NRG3: variants seen among roughly 807,000 people sequenced by gnomAD.
The protein encoded by NRG3 is neuregulin 3, also known as pro-neuregulin-3, membrane-bound isoform.
A neutral mutation model predicts 66.9 loss-of-function variants in NRG3; 31 were observed. That is an observed-to-expected ratio of 0.46 (90% CI 0.35 to 0.63). The LOEUF (loss-of-function observed/expected upper bound fraction) is 0.63. Among genes scored for constraint, NRG3 ranks in the 20% least tolerant of loss-of-function variants. The pLI is 0.00. For synonymous variants in NRG3, 393 were observed against 359.4 expected (o/e 1.09, Z -1.06); for missense variants, 910 against 878.9 (o/e 1.04, Z -0.45).
chr10:82,004,241 A>C (rs1435873097), intron 1 of NRG3, among the ~76,000 whole-genome samples: 2 of 152,218 alleles, frequency 1.3e-5, no homozygotes, highest in Admixed American at 1.3e-4. Context: ...ATCTACACAC[A>C]TATACTGGTG....
intron 2 of NRG3, among the ~76,000 whole-genome samples, chr10:82,690,275 ACT>A (rs1491105721): frequency 1.1e-5 from 1 of 91,098 alleles, no homozygotes; most frequent in Non-Finnish European, 2.7e-5. Context: ...AGAATTGGCC[ACT>A]TTTTTTTTTT....
intron 4 of NRG3, among the ~76,000 whole-genome samples, chr10:82,946,050 G>A (rs1848987660): frequency 6.6e-6 from 1 of 152,090 alleles, no homozygotes; most frequent in Non-Finnish European, 1.5e-5. Context: ...AGTCTGAAGT[G>A]TCAATGATGT....
intron 2 of NRG3, among the ~76,000 whole-genome samples, chr10:82,588,752 C>T (rs59443984): frequency 0.019 from 2,890 of 152,268 alleles, 87 homozygotes; most frequent in African/African-American, 0.066. Flanking sequence ...CTGCCCACCT[C>T]GGCCTCCCAA....
At chr10:82,375,415 T>C (rs1360638411) in intron 2 of NRG3, among the ~76,000 whole-genome samples, 1 of 151,972 alleles carries the variant, frequency 6.6e-6, no homozygotes, top group Non-Finnish European at 1.5e-5. Flanking sequence ...CAGGTGCCTG[T>C]AGTCCCAGCT....
At chr10:82,839,050 T>C (rs2062922524) in intron 3 of NRG3, among the ~76,000 whole-genome samples, 1 of 152,160 alleles carries the variant, frequency 6.6e-6, no homozygotes, top group Non-Finnish European at 1.5e-5. Flanking sequence ...TCCCATTATA[T>C]CCCACTGGAT....
intron 2 of NRG3, among the ~76,000 whole-genome samples, chr10:82,362,951 C>T (rs968242272): frequency 1.3e-5 from 2 of 152,112 alleles, no homozygotes; most frequent in Non-Finnish European, 2.9e-5. Flanking sequence ...AGTAAAATTA[C>T]ATGTTTATTT....
chr10:82,153,950 A>G (rs2070986271), intron 1 of NRG3, among the ~76,000 whole-genome samples: 1 of 151,882 alleles, frequency 6.6e-6, no homozygotes, highest in East Asian at 1.9e-4. Flanking sequence ...AGTTCCTTAT[A>G]TATGATGGAT....
chr10:81,960,959 T>G (rs1376285724), intron 1 of NRG3, among the ~76,000 whole-genome samples: 1 of 152,104 alleles, frequency 6.6e-6, no homozygotes, highest in Non-Finnish European at 1.5e-5. Context: ...TGACCAAAAC[T>G]TGGTATTCAA....
At chr10:82,168,762 A>G (rs1479125573) in intron 1 of NRG3, among the ~76,000 whole-genome samples, 2 of 152,150 alleles carry the variant, frequency 1.3e-5, no homozygotes, top group Admixed American at 1.3e-4. Flanking sequence ...GATTCACAGA[A>G]GTTCTCCATT....
At chr10:82,981,047 T>A (rs1852830949) in intron 8 of NRG3, among the ~76,000 whole-genome samples, 1 of 152,338 alleles carries the variant, frequency 6.6e-6, no homozygotes, top group East Asian at 1.9e-4. Context: ...ACCCAGCTCA[T>A]GCTGGCCTTT....
intron 1 of NRG3, among the ~76,000 whole-genome samples, chr10:82,334,735 GTTTGAGTAATGATAATTA>G (rs2082303509): frequency 6.6e-6 from 1 of 152,166 alleles, no homozygotes; most frequent in African/African-American, 2.4e-5. Flanking sequence ...GTCCATCTGT[GTTTGAGTAATGATAATTA>G]TCAAATCTCA....
intron 2 of NRG3, among the ~76,000 whole-genome samples, chr10:82,415,549 T>C (rs1405146651): frequency 1.3e-5 from 2 of 152,118 alleles, no homozygotes; most frequent in African/African-American, 4.8e-5. Context: ...TAAAAATAAT[T>C]TTGATTTTGA....
intron 1 of NRG3, among the ~76,000 whole-genome samples, chr10:82,184,061 C>G (rs2073630022): frequency 6.6e-6 from 1 of 152,060 alleles, no homozygotes; most frequent in African/African-American, 2.4e-5. Context: ...GTTTGACCTT[C>G]TGTATTCTTG....
intron 2 of NRG3, among the ~76,000 whole-genome samples, chr10:82,531,071 T>C (rs978913804): frequency 1.3e-5 from 2 of 151,752 alleles, no homozygotes; most frequent in African/African-American, 4.8e-5. Flanking sequence ...GAGCTGAGAA[T>C]AGAGTGCACT....
At chr10:81,966,312 T>G (rs2059728909) in intron 1 of NRG3, among the ~76,000 whole-genome samples, 1 of 150,366 alleles carries the variant, frequency 6.7e-6, no homozygotes, top group South Asian at 2.1e-4. Context: ...TATGTGTATA[T>G]ATATAAAATA....
At chr10:82,866,840 GA>G (rs1368985938) in intron 4 of NRG3, among the ~76,000 whole-genome samples, 1 of 152,116 alleles carries the variant, frequency 6.6e-6, no homozygotes, top group Non-Finnish European at 1.5e-5. Context: ...GCATTCCTAT[GA>G]GTGTAAATAA....
chr10:82,551,554 G>A (rs968406466), intron 2 of NRG3, among the ~76,000 whole-genome samples: 1 of 151,516 alleles, frequency 6.6e-6, no homozygotes, highest in Non-Finnish European at 1.5e-5. Flanking sequence ...CAGACTAGAT[G>A]ACGATGATAA....
At chr10:82,908,125 G>A (rs960032275) in intron 4 of NRG3, among the ~76,000 whole-genome samples, 1 of 152,212 alleles carries the variant, frequency 6.6e-6, no homozygotes, top group Non-Finnish European at 1.5e-5. Flanking sequence ...GAGACTTTCA[G>A]ATGTCTGTGT....
rs141223983 is a variant in NRG3, at chr10:82,830,458, C to T, written c.1028-34953C>T. Among the ~76,000 whole-genome samples the T allele has an allele frequency of 3.7e-4, 56 of 152,238 alleles. No individual in the cohort carries two copies. In the East Asian group the frequency reaches 8.7e-3, roughly 24 times the overall value. ...TATTTATGAGTTATATTTTCAGCTA[C>T]CTAGATGATTTACAACATGATAATT... is the stretch of plus-strand genomic sequence containing the variant. On this transcript the variant is annotated intron_variant, in intron 3 of 8. Coordinates refer to ENST00000372141, the MANE Select transcript of NRG3 (RefSeq NM_001010848.4).
Sources: gnomAD v4.1 joint callset for allele counts (sites outside exome capture counted in the v4.1 genomes callset) on GRCh38, gnomAD v4.1.1 for gene constraint, MANE v1.5 for transcripts, NCBI Gene and HGNC (gene_info 2026-07-23, HGNC 2026-07-21) for gene names.